Variants in EPC2 observed in about 807,000 individuals in gnomAD.
EPC2 encodes the protein enhancer of polycomb 2, also known as enhancer of polycomb homolog 2.
In EPC2, 14 loss-of-function variants were observed where a neutral mutation model predicts 92.1. The ratio of observed to expected loss-of-function variants is 0.15; its 90% CI spans 0.10 to 0.24. The LOEUF (loss-of-function observed/expected upper bound fraction) is 0.24, where lower values mean the gene tolerates loss of function less well. Ranked by LOEUF, EPC2 falls within the 10% of genes least tolerant of loss-of-function variation. The probability of loss-of-function intolerance (pLI) is 1.00; values close to 1 mark genes in which losing one functional copy is unlikely to be tolerated. For synonymous variants in EPC2, 340 were observed against 334.7 expected, an observed-to-expected ratio of 1.02 and a Z score of -0.17; for missense variants, 755 against 971.5, an observed-to-expected ratio of 0.78 and a Z score of 2.96.
chr2:148,647,934 C>G (rs904937838), intron 1 of EPC2, among the ~76,000 whole-genome samples: 1 of 152,204 alleles, frequency 6.6e-6, no homozygotes, highest in Non-Finnish European at 1.5e-5. Flanking sequence ...CCTGCCGCGC[C>G]TTGCAATTTT....
In EPC2 at chr2:148,710,004, A is replaced by G. The variant is rs61105963; in HGVS notation, c.313+19631A>G. On this transcript the variant is annotated intron_variant, in intron 2 of 13. Transcript: ENST00000258484. Reference sequence around the variant, plus strand: ...AAGCCAAAATTGACAAATGGGATCTAATTAAACTAAAGAGCTTCTGCACAG... The same window carrying G: ...AAGCCAAAATTGACAAATGGGATCTGATTAAACTAAAGAGCTTCTGCACAG... 9.1e-3 allele frequency among the ~76,000 whole-genome samples: 1,375 copies of G among 151,492 alleles called. 22 individuals are homozygous for G. Among genetic ancestry groups the G allele is most frequent in the African/African-American group, 0.031 (1,290 of 41,536 alleles).
chr2:148,742,816 T>C (rs1682903396), intron 2 of EPC2, among the ~76,000 whole-genome samples: 1 of 151,644 alleles, frequency 6.6e-6, no homozygotes. Flanking sequence ...ATCATTGATA[T>C]TTATTCTCTA....
chr2:148,694,020 T>G (rs34668082), intron 2 of EPC2, among the ~76,000 whole-genome samples: 1 of 152,108 alleles, frequency 6.6e-6, no homozygotes, highest in African/African-American at 2.4e-5. Context: ...ACAGTACTTA[T>G]AGCATGTGGT....
chr2:148,758,942 C>T (rs569672223), intron 4 of EPC2, among the ~76,000 whole-genome samples: 89 of 152,194 alleles, frequency 5.8e-4, no homozygotes, highest in African/African-American at 2.1e-3. Context: ...AACATAGTCT[C>T]TAGTCTTTGA....
intron 2 of EPC2, among the ~76,000 whole-genome samples, chr2:148,708,256 A>C (rs915482617): frequency 6.6e-6 from 1 of 152,178 alleles, no homozygotes; most frequent in African/African-American, 2.4e-5. Context: ...GAAATTGACA[A>C]ATTCCTCGAC....
intron 1 of EPC2, among the ~76,000 whole-genome samples, chr2:148,664,720 A>G (rs947244640): frequency 6.6e-6 from 1 of 152,176 alleles, no homozygotes. Flanking sequence ...AGAATTTTAT[A>G]TAAATGGAAT....
At chr2:148,765,837 A>G (rs974437977) in intron 7 of EPC2, among the ~76,000 whole-genome samples, 17 of 152,126 alleles carry the variant, frequency 1.1e-4, no homozygotes, top group African/African-American at 3.9e-4. Context: ...GGAGATCTAG[A>G]CCATCCTGGC....
intron 10 of EPC2, among the ~76,000 whole-genome samples, chr2:148,774,594 G>A (rs576332971): frequency 4.7e-4 from 59 of 124,614 alleles, no homozygotes; most frequent in African/African-American, 1.5e-3. Flanking sequence ...CAGCCAGGGT[G>A]AGACCCTGAC....
intron 1 of EPC2, among the ~76,000 whole-genome samples, chr2:148,678,446 CAG>C (rs1681319588): frequency 6.6e-6 from 1 of 152,244 alleles, no homozygotes; most frequent in African/African-American, 2.4e-5. Context: ...TGCCGTGGAG[CAG>C]GGGGTGGCGC....
chr2:148,780,699 T>A (rs1190980915), intron 10 of EPC2, among the ~76,000 whole-genome samples: 1 of 152,192 alleles, frequency 6.6e-6, no homozygotes, highest in East Asian at 1.9e-4. Flanking sequence ...AAATATTTGT[T>A]GATTGAAATC....
intron 1 of EPC2, among the ~76,000 whole-genome samples, chr2:148,673,197 C>A (rs984596154): frequency 6.6e-6 from 1 of 152,048 alleles, no homozygotes; most frequent in Admixed American, 6.5e-5. Context: ...TAGTTGGAGT[C>A]CTTTGAGCTT....
chr2:148,781,783 A>G lies in EPC2; in HGVS notation c.1857+3A>G, dbSNP rs1480115053. On this transcript the variant is annotated splice_donor_region_variant and intron_variant, in intron 11 of 13. Coordinates refer to ENST00000258484, the MANE Select transcript of EPC2 (RefSeq NM_015630.4). ...AACAGACACATCCAAAAGCACAGGT[A>G]AACTGCTCTTTTCGTCATAGTTACG... is the stretch of plus-strand genomic sequence containing the variant. The G allele has an allele frequency of 3.7e-6, 6 of 1,613,256 alleles. No homozygotes were observed. The highest frequency in any genetic ancestry group is 1.7e-5 in the Admixed American group (1 of 59,836).
intron 10 of EPC2, among the ~76,000 whole-genome samples, chr2:148,781,037 A>C (rs904627417): frequency 3.9e-5 from 6 of 152,184 alleles, no homozygotes; most frequent in Non-Finnish European, 7.4e-5. Flanking sequence ...TAGTATCTTC[A>C]GTTTTCTGAA....
chr2:148,743,630 C>T lies in EPC2; in HGVS notation c.322C>T (p.Leu108=), dbSNP rs201524206. The T allele has an allele frequency of 5.7e-6, 9 of 1,565,722 alleles. No homozygotes were observed. The Admixed American group carries it at 6.3e-5, about 11-fold the overall frequency. Residue 108 remains leucine (L), a synonymous_variant, in exon 3 of 14, where the codon CTA becomes TTA. Coordinates refer to ENST00000258484, the MANE Select transcript of EPC2 (RefSeq NM_015630.4). ...KQFIHIQPFN[L]DNEQPDYDMD... is the part of the protein sequence containing the mutation. ...TTTTCTTTCTTTTCTAGCTTTTAAT[C>T]TAGACAACGAGCAACCAGATTATGA...
intron 3 of EPC2, 131 bp from the exon 4 acceptor site, chr2:148,753,796 G>A (rs545333476): frequency 3.1e-6 from 2 of 654,980 alleles, no homozygotes; most frequent in African/African-American, 1.8e-5. Context: ...ATTGAATTGT[G>A]TCTTCACTTA....
chr2:148,784,230 G>C (rs1251558795), intron 12 of EPC2, among the ~76,000 whole-genome samples: 1 of 152,184 alleles, frequency 6.6e-6, no homozygotes, highest in Non-Finnish European at 1.5e-5. Flanking sequence ...TTAGTACCCT[G>C]AGTCCGCAAA....
intron 12 of EPC2, among the ~76,000 whole-genome samples, 155 bp downstream of exon 12, chr2:148,783,911 T>C (rs1460929835): frequency 6.6e-6 from 1 of 152,224 alleles, no homozygotes; most frequent in East Asian, 1.9e-4. Flanking sequence ...AATAGGTAGA[T>C]GTTTTCTAGA....
At chr2:148,646,348 C>A (rs911703226) in intron 1 of EPC2, among the ~76,000 whole-genome samples, 13 of 152,158 alleles carry the variant, frequency 8.5e-5, no homozygotes, top group Non-Finnish European at 1.6e-4. Flanking sequence ...CTACTTTGCT[C>A]TTATTTAATC....
Position 148,735,391 on chromosome 2 carries a change from C to T in EPC2, c.314-8231C>T, listed in dbSNP as rs192919696. Among the ~76,000 whole-genome samples the T allele has an allele frequency of 1.2e-4, 18 of 152,106 alleles. 1 individual carries two copies. Among genetic ancestry groups the T allele is most frequent in the Admixed American group, 9.8e-4 (15 of 15,278 alleles). On this transcript the variant is annotated intron_variant, in intron 2 of 13. Coordinates refer to ENST00000258484, the MANE Select transcript of EPC2 (RefSeq NM_015630.4). ...TGATTTAAATTTGCCTCTTATCAATCACAAAAGAGAAGTTAAACATTTTTA... is the reference window on the plus strand; with the variant it reads ...TGATTTAAATTTGCCTCTTATCAATTACAAAAGAGAAGTTAAACATTTTTA...
Sources: gnomAD v4.1 joint callset for allele counts (sites outside exome capture counted in the v4.1 genomes callset) on GRCh38, gnomAD v4.1.1 for gene constraint, MANE v1.5 for transcripts, NCBI Gene and HGNC (gene_info 2026-07-23, HGNC 2026-07-21) for gene names.